The following SMAD2 variants were observed in gnomAD, a reference collection of about 807,000 sequenced individuals.
SMAD2 encodes MAD homolog 2.
SMAD2 carries 8 observed loss-of-function variants against 64.4 expected under a neutral mutation model. The ratio of observed to expected loss-of-function variants is 0.12; its 90% CI spans 0.07 to 0.22. SMAD2 has a LOEUF of 0.22. Among genes scored for constraint, SMAD2 ranks in the 10% least tolerant of loss-of-function variants. The pLI is 1.00. For missense variants in SMAD2, 289 were observed against 561.2 expected, an observed-to-expected ratio of 0.51 and a Z score of 4.90; for synonymous variants, 203 against 195.8, an observed-to-expected ratio of 1.04 and a Z score of -0.31.
rs978956182 is a variant in SMAD2 at position 47,829,688 on chromosome 18, T to C, written c.*12139A>G. ...CATAGGCAGTATGAAGTAGACACTT[T>C]GGCAAATAAAAACTGCACCGTATGA... On this transcript the variant is annotated 3_prime_UTR_variant, in exon 11 of 11. Transcript: ENST00000262160. The C allele has an allele frequency of 6.6e-6, 1 of 152,234 alleles. No homozygotes were observed. The highest frequency in any genetic ancestry group is 1.5e-5 in the Non-Finnish European group (1 of 68,038). The allele number at this position is 152,234 out of a possible 1,614,324, so 9.4% of individuals were successfully genotyped here.
At chr18:47,903,155 G>GA (rs1398524533) in intron 1 of SMAD2, among the ~76,000 whole-genome samples, 3 of 152,150 alleles carry the variant, frequency 2.0e-5, no homozygotes, top group Non-Finnish European at 4.4e-5. Flanking sequence ...ATGATCCCAA[G>GA]AGAGTCTAGA....
intron 1 of SMAD2, among the ~76,000 whole-genome samples, chr18:47,904,583 G>A (rs1220178752): frequency 2.0e-5 from 3 of 151,980 alleles, no homozygotes; most frequent in South Asian, 2.1e-4. Context: ...CCAAGATCCC[G>A]TACTAATACA....
chr18:47,848,842 C>G (rs941189204), intron 7 of SMAD2, among the ~76,000 whole-genome samples, 155 bp from the exon 8 acceptor site: 2 of 152,212 alleles, frequency 1.3e-5, no homozygotes, highest in Non-Finnish European at 2.9e-5. Context: ...TCGGTTTCCA[C>G]AGATGATACC....
intron 10 of SMAD2, among the ~76,000 whole-genome samples, chr18:47,842,524 G>C (rs1407574005): frequency 1.3e-5 from 2 of 152,116 alleles, no homozygotes; most frequent in Admixed American, 1.3e-4. Context: ...TGGCGACAGA[G>C]TGAGACTCTG....
At chr18:47,862,524 T>C (rs1010077115) in intron 6 of SMAD2, among the ~76,000 whole-genome samples, 1 of 152,222 alleles carries the variant, frequency 6.6e-6, no homozygotes, top group Non-Finnish European at 1.5e-5. Flanking sequence ...CATCTTCATA[T>C]AGCACATTCC....
At chr18:47,925,839 T>C (rs746952188) in intron 1 of SMAD2, among the ~76,000 whole-genome samples, 9 of 152,022 alleles carry the variant, frequency 5.9e-5, no homozygotes, top group Non-Finnish European at 1.2e-4. Flanking sequence ...AGAAAGGGGA[T>C]CAAAAAAATT....
intron 1 of SMAD2, among the ~76,000 whole-genome samples, chr18:47,915,543 A>C (rs2034298483): frequency 6.6e-6 from 1 of 152,232 alleles, no homozygotes; most frequent in Admixed American, 6.5e-5. Flanking sequence ...TCTAGGGCAG[A>C]AAATTTCAAA....
chr18:47,905,039 G>A (rs2033847058), intron 1 of SMAD2, among the ~76,000 whole-genome samples: 1 of 152,114 alleles, frequency 6.6e-6, no homozygotes. Flanking sequence ...ACAAAGAAAA[G>A]ATAGACTGGA....
intron 10 of SMAD2, among the ~76,000 whole-genome samples, chr18:47,842,359 G>A (rs1914043827): frequency 6.6e-6 from 1 of 152,066 alleles, no homozygotes; most frequent in South Asian, 2.1e-4. Flanking sequence ...GGCCAACATG[G>A]TGAAACCCCG....
In SMAD2 at chr18:47,841,334, ATATATAT is replaced by A. The variant is rs1239750714; in HGVS notation, c.*486_*492del. ...GCTTCTAAATAATTTGAAAATCTTG[ATATATAT>A]TATATATTAAAAAAGACACACAAAA... is the stretch of plus-strand genomic sequence containing the variant. On this transcript the variant is annotated 3_prime_UTR_variant, in exon 11 of 11. Coordinates refer to ENST00000262160, the MANE Select transcript of SMAD2 (RefSeq NM_005901.6). 1.3e-5 allele frequency: 3 copies of A among 233,786 alleles called. No homozygotes were observed. Among genetic ancestry groups the A allele is most frequent in the African/African-American group, 6.6e-5 (3 of 45,290 alleles). 14.5% of individuals were successfully genotyped at this position (233,786 alleles called of 1,614,324 possible). A position where few individuals can be genotyped will look rare whatever the true frequency, so the allele number is the denominator to read the frequency against.
intron 5 of SMAD2, among the ~76,000 whole-genome samples, chr18:47,865,373 G>GT (rs1415843798): frequency 6.6e-6 from 1 of 152,082 alleles, no homozygotes; most frequent in African/African-American, 2.4e-5. Flanking sequence ...CATTATGTAC[G>GT]TATCTTGCTC....
intron 1 of SMAD2, among the ~76,000 whole-genome samples, chr18:47,903,874 T>TG (rs2033789075): frequency 5.1e-5 from 3 of 59,262 alleles, no homozygotes; most frequent in Admixed American, 5.2e-4. Flanking sequence ...GAAAAAACAG[T>TG]GTGGGGGGGG....
At chr18:47,911,347 T>A (rs1156345962) in intron 1 of SMAD2, among the ~76,000 whole-genome samples, 8 of 142,988 alleles carry the variant, frequency 5.6e-5, no homozygotes, top group African/African-American at 2.1e-4. Flanking sequence ...CGAGACTCCA[T>A]CTGGAAAAAA....
rs1168133418 is a variant in SMAD2, at chr18:47,816,817, G to T, written c.*25010C>A. On this transcript the variant is annotated 3_prime_UTR_variant, in exon 11 of 11. Coordinates refer to ENST00000262160, the MANE Select transcript of SMAD2 (RefSeq NM_005901.6). ...TTTGCACTGTCGCCCAGGCTGGAGT[G>T]CAGTGGCACATCTAGGCTCACTGCA... 2 of 144,654 alleles carry T rather than the reference G, an allele frequency of 1.4e-5. No individual in the cohort carries two copies. Among genetic ancestry groups the T allele is most frequent in the Non-Finnish European group, 3.0e-5 (2 of 67,040 alleles). 9.0% of individuals were successfully genotyped at this position (144,654 alleles called of 1,614,324 possible). A position where few individuals can be genotyped will look rare whatever the true frequency, so the allele number is the denominator to read the frequency against.
At position 47,812,334 on chromosome 18, in the gene SMAD2, TC is replaced by T. The variant is rs999413791; in HGVS notation, c.*29492del. The T allele has an allele frequency of 1.3e-4, 20 of 152,250 alleles. No homozygotes were observed. Among genetic ancestry groups the T allele is most frequent in the African/African-American group, 3.1e-4 (13 of 41,540 alleles). The allele number at this position is 152,250 out of a possible 1,614,324, so 9.4% of individuals were successfully genotyped here. ...CACCTTCTGCCATAATTGTGAGGCCTCCCCAGCCATGTAAAACTGTGAGTCA... is the reference window on the plus strand; with the variant it reads ...CACCTTCTGCCATAATTGTGAGGCCTCCCAGCCATGTAAAACTGTGAGTCA... On this transcript the variant is annotated 3_prime_UTR_variant, in exon 11 of 11. Transcript: ENST00000262160.
intron 6 of SMAD2, among the ~76,000 whole-genome samples, chr18:47,856,553 C>T (rs1480731471): frequency 6.6e-6 from 1 of 152,156 alleles, no homozygotes; most frequent in Non-Finnish European, 1.5e-5. Flanking sequence ...CTTCTTCAAC[C>T]TTAACCCAAA....
At chr18:47,848,289 G>A (rs1371869092) in intron 8 of SMAD2, among the ~76,000 whole-genome samples, 186 bp downstream of exon 8, 2 of 152,168 alleles carry the variant, frequency 1.3e-5, no homozygotes, top group African/African-American at 2.4e-5. Flanking sequence ...TGAAGAGTTT[G>A]CAGCTGAAGC....
rs76868358 is a variant in SMAD2, at chr18:47,900,250, T to A, written c.-53-3441A>T. The stretch of plus-strand genomic sequence containing the variant: ...TTTCATACTAAGTCTACAAAATCTG[T>A]TGAGTACTTTACACTTACAGGACAA... On this transcript the variant is annotated intron_variant, in intron 1 of 10. Transcript: ENST00000262160. Among the ~76,000 whole-genome samples, 166 of 152,266 alleles carry A rather than the reference T, an allele frequency of 1.1e-3. No individual in the cohort carries two copies. In the East Asian group the frequency reaches 0.03, roughly 27 times the overall value.
chr18:47,812,384 C>T lies in SMAD2; in HGVS notation c.*29443G>A, dbSNP rs184327869. On this transcript the variant is annotated 3_prime_UTR_variant, in exon 11 of 11. Coordinates refer to ENST00000262160, the MANE Select transcript of SMAD2 (RefSeq NM_005901.6). ...CAATTAAACCTCTTTTATAAATTAC[C>T]CAGTCTCCGGTATCTCTTTATTAGC... 6.6e-6 allele frequency: 1 copy of T among 152,080 alleles called. No individual in the cohort carries two copies. The highest frequency in any genetic ancestry group is 2.1e-4 in the South Asian group (1 of 4,824). 9.4% of individuals were successfully genotyped at this position (152,080 alleles called of 1,614,324 possible). A position where few individuals can be genotyped will look rare whatever the true frequency, so the allele number is the denominator to read the frequency against.
Sources: gnomAD v4.1 joint callset for allele counts (sites outside exome capture counted in the v4.1 genomes callset) on GRCh38, gnomAD v4.1.1 for gene constraint, MANE v1.5 for transcripts, NCBI Gene and HGNC (gene_info 2026-07-23, HGNC 2026-07-21) for gene names.